The following TGM6 variants were observed in gnomAD, a reference collection of about 807,000 sequenced individuals.
The protein encoded by TGM6 is transglutaminase 6.
Under a neutral mutation model 77.5 loss-of-function variants are expected in TGM6, and 74 were observed. The observed-to-expected ratio is 0.96, with a 90% CI of 0.79 to 1.16. The LOEUF (loss-of-function observed/expected upper bound fraction) is 1.16. Ranked by LOEUF, TGM6 falls within the 50% of genes most tolerant of loss-of-function variation. The pLI, the probability that TGM6 is intolerant of heterozygous loss-of-function variation, is 0.00. For synonymous variants in TGM6, 383 were observed against 378.9 expected (o/e 1.01, Z -0.12); for missense variants, 968 against 940.2 (o/e 1.03, Z -0.39).
At chr20:2,432,360 G>A (rs2084929029) in intron 12 of TGM6, 130 bp from the exon 13 acceptor site, 1 of 1,206,930 alleles carries the variant, frequency 8.3e-7, no homozygotes, top group Non-Finnish European at 1.2e-6. Flanking sequence ...CAAACATGTT[G>A]ATAAGGCTTG....
In TGM6 at chr20:2,431,043, G is replaced by C; in HGVS notation, c.1967+16G>C. The C allele has an allele frequency of 6.2e-7, 1 of 1,613,164 alleles. No homozygotes were observed. Among genetic ancestry groups the C allele is most frequent in the Non-Finnish European group, 8.5e-7 (1 of 1,179,642 alleles). ...TCAGCATCGAGTAAGTGCCAGCCTG[G>C]GGGGCTGGCAGGGAATGGGGCTCTC... On this transcript the variant is annotated intron_variant, in intron 12 of 12. Coordinates refer to ENST00000202625, the MANE Select transcript of TGM6 (RefSeq NM_198994.3).
chr20:2,398,364 A>C (rs1176587033), intron 5 of TGM6, among the ~76,000 whole-genome samples: 1 of 152,114 alleles, frequency 6.6e-6, no homozygotes, highest in Non-Finnish European at 1.5e-5. Flanking sequence ...GGTGGTTGGC[A>C]GTTCCTAGGT....
At chr20:2,412,864 T>C (rs2084792944) in intron 9 of TGM6, among the ~76,000 whole-genome samples, 1 of 152,066 alleles carries the variant, frequency 6.6e-6, no homozygotes, top group Non-Finnish European at 1.5e-5. Flanking sequence ...CAAAACATTG[T>C]TGAAAGAAAT....
intron 1 of TGM6, among the ~76,000 whole-genome samples, chr20:2,393,448 ATATGTGT>A (rs1441882329): frequency 6.6e-6 from 1 of 152,234 alleles, no homozygotes; most frequent in African/African-American, 2.4e-5. Flanking sequence ...TACACTAAAA[ATATGTGT>A]TAGGTGAACA....
In TGM6 at chr20:2,400,953, T is replaced by G. The variant is rs923164329; in HGVS notation, c.989+509T>G. Among the ~76,000 whole-genome samples the G allele has an allele frequency of 2.0e-5, 3 of 151,888 alleles. No individual in the cohort carries two copies. In the East Asian group the frequency reaches 5.8e-4, roughly 29 times the overall value. ...ACTCAGGAGGCTAAGGCAGGAGAAT[T>G]GCTTGAACCCAGGAGGCAGAGGTTG... On this transcript the variant is annotated intron_variant, in intron 7 of 12. Transcript: ENST00000202625.
In TGM6 at chr20:2,395,240, A is replaced by G. The variant is rs1218371454; in HGVS notation, c.228A>G (p.Thr76=). 2.5e-6 allele frequency: 4 copies of G among 1,614,054 alleles called. No individual in the cohort carries two copies. The East Asian group carries it at 8.9e-5, about 36-fold the overall frequency. ...TCCACACCAAAGCTGTGTTCCAGAC[A>G]TCGGAGCTGGAGCGGGGTGAGGGCT... ...EALHTKAVFQ[T]SELERGEGWT... is the part of the protein sequence containing the mutation. The change falls in exon 3 of 13, where the codon ACA becomes ACG. Residue 76 remains threonine, a synonymous_variant. Coordinates refer to ENST00000202625, the MANE Select transcript of TGM6 (RefSeq NM_198994.3).
At chr20:2,400,223 T>C in intron 6 of TGM6, 83 bp from the exon 7 acceptor site, 1 of 1,599,020 alleles carries the variant, frequency 6.3e-7, no homozygotes, top group African/African-American at 1.3e-5. Context: ...TGGCCACAAA[T>C]GAGCCAGGGC....
At chr20:2,415,792 A>ATT (rs1375724670) in intron 9 of TGM6, among the ~76,000 whole-genome samples, 2 of 152,070 alleles carry the variant, frequency 1.3e-5, no homozygotes, top group Non-Finnish European at 2.9e-5. Flanking sequence ...GTTTGGTTGG[A>ATT]TTTGAGGCAC....
chr20:2,383,757 G>A (rs1387197480), intron 1 of TGM6, among the ~76,000 whole-genome samples: 1 of 152,118 alleles, frequency 6.6e-6, no homozygotes, highest in African/African-American at 2.4e-5. Flanking sequence ...GTAGGAATTG[G>A]GGAGGGGAGG....
At chr20:2,381,435 T>A (rs1336903163) in intron 1 of TGM6, among the ~76,000 whole-genome samples, 1 of 152,204 alleles carries the variant, frequency 6.6e-6, no homozygotes, top group Non-Finnish European at 1.5e-5. Flanking sequence ...CAAGAGCAGC[T>A]CTGGCTCAAG....
chr20:2,384,800 T>C (rs1199119622), intron 1 of TGM6, among the ~76,000 whole-genome samples: 1 of 152,150 alleles, frequency 6.6e-6, no homozygotes, highest in Non-Finnish European at 1.5e-5. Context: ...GCTATGAGGC[T>C]TGGGGTAACA....
chr20:2,394,477 G>T lies in TGM6; in HGVS notation c.33G>T (p.Trp11Cys). Residue 11 changes from tryptophan (W) to cysteine (C), a missense_variant, in exon 2 of 13, where the codon TGG (tryptophan) becomes TGT (cysteine). By Grantham distance (215) the Trp-to-Cys change is radical (BLOSUM62 -2). Transcript: ENST00000202625. MAGIRVTKVD[W>C]QRSRNGAAHH... ...GGATCAGAGTCACCAAGGTGGACTG[G>T]CAGCGGTCGAGGAATGGCGCTGCCC... 1.2e-6 allele frequency: 2 copies of T among 1,611,548 alleles called. No homozygotes were observed. The highest frequency in any genetic ancestry group is 1.1e-5 in the South Asian group (1 of 90,984).
intron 1 of TGM6, among the ~76,000 whole-genome samples, chr20:2,387,846 C>T (rs1464709484): frequency 6.6e-6 from 1 of 152,202 alleles, no homozygotes; most frequent in African/African-American, 2.4e-5. Flanking sequence ...GGCTGAAGGA[C>T]CCACTTGCCA....
chr20:2,388,072 G>A (rs1568652642), intron 1 of TGM6, among the ~76,000 whole-genome samples: 1 of 152,180 alleles, frequency 6.6e-6, no homozygotes, highest in Admixed American at 6.5e-5. Flanking sequence ...AAGTCACAAT[G>A]TGTCACTCTG....
At chr20:2,381,050 A>G in intron 1 of TGM6, 75 bp downstream of exon 1, 2 of 1,569,222 alleles carry the variant, frequency 1.3e-6, no homozygotes, top group Non-Finnish European at 1.7e-6. Flanking sequence ...GGTCTGTGGG[A>G]TGACGTTTGA....
intron 4 of TGM6, among the ~76,000 whole-genome samples, chr20:2,397,593 A>G (rs1222139376): frequency 1.3e-5 from 2 of 152,258 alleles, no homozygotes; most frequent in African/African-American, 2.4e-5. Flanking sequence ...TGAAAACATC[A>G]TGTAGACCAA....
In TGM6 at chr20:2,410,518, A is replaced by G. The variant is rs189901024; in HGVS notation, c.1336+6695A>G. Reference sequence around the variant, plus strand: ...ACCCCTCTAGCAAATTATGAAACCTAAGGCTGGGGCCAGTTATGAGAACCC... The same window carrying G: ...ACCCCTCTAGCAAATTATGAAACCTGAGGCTGGGGCCAGTTATGAGAACCC... On this transcript the variant is annotated intron_variant, in intron 9 of 12. Transcript: ENST00000202625. 1.2e-3 allele frequency among the ~76,000 whole-genome samples: 189 copies of G among 152,270 alleles called. 1 individual carries two copies. The highest frequency in any genetic ancestry group is 3.7e-4 in the Non-Finnish European group (25 of 68,012).
At chr20:2,432,454 C>T (rs775300063) in intron 12 of TGM6, 36 bp from the exon 13 acceptor site, 36 of 1,612,748 alleles carry the variant, frequency 2.2e-5, no homozygotes, top group Non-Finnish European at 2.9e-5. Context: ...GGCAAGAGGA[C>T]TGACAGTCTG....
chr20:2,406,866 A>AC (rs2084756117), intron 9 of TGM6, among the ~76,000 whole-genome samples: 1 of 141,904 alleles, frequency 7.0e-6, no homozygotes, highest in African/African-American at 2.7e-5. Context: ...AAAAAAAAAA[A>AC]CCATGGCCAC....
Sources: allele counts gnomAD v4.1 joint callset (sites outside exome capture counted in the v4.1 genomes callset), GRCh38; gene constraint gnomAD v4.1.1; transcripts MANE v1.5; gene names NCBI Gene and HGNC (gene_info 2026-07-23, HGNC 2026-07-21).